The following SLC16A14 variants were observed in gnomAD, a reference collection of about 807,000 sequenced individuals.
The protein encoded by SLC16A14 is monocarboxylate transporter 14.
SLC16A14 carries 14 observed loss-of-function variants against 35.8 expected under a neutral mutation model. The ratio of observed to expected loss-of-function variants is 0.39; its 90% CI spans 0.26 to 0.61. SLC16A14 has a LOEUF of 0.61. Among genes scored for constraint, SLC16A14 ranks in the 20% least tolerant of loss-of-function variants. SLC16A14 has a pLI of 0.51. For missense variants in SLC16A14, 533 were observed against 655.0 expected, an observed-to-expected ratio of 0.81 and a Z score of 2.03; for synonymous variants, 248 against 258.9, an observed-to-expected ratio of 0.96 and a Z score of 0.40.
intron 1 of SLC16A14, among the ~76,000 whole-genome samples, chr2:230,063,740 G>C (rs867736219): frequency 1.3e-5 from 2 of 152,332 alleles, no homozygotes; most frequent in South Asian, 4.1e-4. Flanking sequence ...TGTTGATGGA[G>C]ATTATTCTTT....
At chr2:230,054,307 AG>A (rs1347494645) in intron 2 of SLC16A14, among the ~76,000 whole-genome samples, 1 of 152,344 alleles carries the variant, frequency 6.6e-6, no homozygotes, top group South Asian at 2.1e-4. Context: ...CTCTGCCAAA[AG>A]AAAAAAATTA....
At chr2:230,053,985 T>A (rs1394789224) in intron 2 of SLC16A14, among the ~76,000 whole-genome samples, 1 of 151,890 alleles carries the variant, frequency 6.6e-6, no homozygotes, top group Non-Finnish European at 1.5e-5. Flanking sequence ...GTTAGGAGCC[T>A]CTAAATCAAT....
intron 2 of SLC16A14, among the ~76,000 whole-genome samples, chr2:230,051,719 G>T (rs2077661227): frequency 6.6e-6 from 1 of 152,022 alleles, no homozygotes; most frequent in Non-Finnish European, 1.5e-5. Flanking sequence ...TTCCCTTTTG[G>T]CTTAAACTGA....
chr2:230,045,109 A>G (rs1395367879), intron 4 of SLC16A14, among the ~76,000 whole-genome samples: 2 of 152,226 alleles, frequency 1.3e-5, no homozygotes, highest in Non-Finnish European at 2.9e-5. Flanking sequence ...GACAAAAATC[A>G]GCTGGAACTG....
rs2077525635 is a variant in SLC16A14, at chr2:230,037,234, A to T, written c.*146T>A. On this transcript the variant is annotated 3_prime_UTR_variant, in exon 5 of 5. Transcript: ENST00000295190. Reference sequence around the variant, plus strand: ...AACAGAGAGGCAGTGCTGCTTACAAATGAGGCTGTGACAATGGCATTTACA... The same window carrying T: ...AACAGAGAGGCAGTGCTGCTTACAATTGAGGCTGTGACAATGGCATTTACA... The T allele has an allele frequency of 1.6e-6, 1 of 624,298 alleles. No homozygotes were observed. The highest frequency in any genetic ancestry group is 1.9e-5 in the African/African-American group (1 of 53,172). The allele number at this position is 624,298 out of a possible 1,614,324, so 38.7% of individuals were successfully genotyped here. A position where few individuals can be genotyped will look rare whatever the true frequency, so the allele number is the denominator to read the frequency against.
chr2:230,057,228 C>G (rs2077712694), intron 2 of SLC16A14, among the ~76,000 whole-genome samples: 1 of 151,980 alleles, frequency 6.6e-6, no homozygotes, highest in African/African-American at 2.4e-5. Context: ...AAGGGAAAGC[C>G]CCTAGTATAT....
intron 1 of SLC16A14, among the ~76,000 whole-genome samples, chr2:230,064,874 G>A (rs1487829027): frequency 6.6e-6 from 1 of 152,092 alleles, no homozygotes; most frequent in Non-Finnish European, 1.5e-5. Flanking sequence ...GCCGGGTGTG[G>A]TGGCGCATGC....
At chr2:230,054,881 C>T (rs1378695647) in intron 2 of SLC16A14, among the ~76,000 whole-genome samples, 2 of 141,698 alleles carry the variant, frequency 1.4e-5, no homozygotes, top group South Asian at 2.2e-4. Flanking sequence ...GGCGACAGAG[C>T]GAGACTCCAT....
chr2:230,065,544 C>G (rs1437829460), intron 1 of SLC16A14, among the ~76,000 whole-genome samples: 2 of 152,206 alleles, frequency 1.3e-5, no homozygotes, highest in Admixed American at 6.5e-5. Context: ...CGTGAGCCAG[C>G]ATGCCTGGCC....
chr2:230,051,195 G>A (rs932867938), intron 2 of SLC16A14, among the ~76,000 whole-genome samples: 7 of 152,084 alleles, frequency 4.6e-5, no homozygotes, highest in African/African-American at 1.2e-4. Flanking sequence ...GGGTCTCACT[G>A]TGTCATCCAA....
At chr2:230,066,323 G>A (rs1348310135) in intron 1 of SLC16A14, among the ~76,000 whole-genome samples, 1 of 151,840 alleles carries the variant, frequency 6.6e-6, no homozygotes, top group Admixed American at 6.6e-5. Flanking sequence ...AAAGTAAAAG[G>A]TAACCCACTC....
intron 1 of SLC16A14, among the ~76,000 whole-genome samples, chr2:230,060,418 A>T (rs2077742227): frequency 6.6e-6 from 1 of 152,116 alleles, no homozygotes; most frequent in South Asian, 2.1e-4. Flanking sequence ...ATCATAGCTC[A>T]CTGCAGTCTT....
chr2:230,060,745 C>T (rs762774597), intron 1 of SLC16A14, among the ~76,000 whole-genome samples: 1 of 150,892 alleles, frequency 6.6e-6, no homozygotes, highest in African/African-American at 2.4e-5. Context: ...GAGCAGGAGT[C>T]GGGGGTGGAG....
intron 1 of SLC16A14, among the ~76,000 whole-genome samples, chr2:230,066,032 C>T (rs1413897440): frequency 6.6e-6 from 1 of 151,938 alleles, no homozygotes; most frequent in African/African-American, 2.4e-5. Context: ...TGGCAGAACA[C>T]GGTGGCTCAT....
At chr2:230,056,010 G>A (rs1183669340) in intron 2 of SLC16A14, among the ~76,000 whole-genome samples, 1 of 152,172 alleles carries the variant, frequency 6.6e-6, no homozygotes, top group Non-Finnish European at 1.5e-5. Context: ...ATGACAAACA[G>A]TCCTAGTTTA....
chr2:230,056,821 G>T (rs561535099), intron 2 of SLC16A14, among the ~76,000 whole-genome samples: 1 of 145,628 alleles, frequency 6.9e-6, no homozygotes, highest in Non-Finnish European at 1.5e-5. Context: ...AGTGAGTTAC[G>T]ATTGTGCTAC....
chr2:230,055,578 CAATT>C (rs1328053945), intron 2 of SLC16A14, among the ~76,000 whole-genome samples: 1 of 152,144 alleles, frequency 6.6e-6, no homozygotes, highest in Non-Finnish European at 1.5e-5. Context: ...AGTTACCTGT[CAATT>C]AAATTAAGTA....
chr2:230,045,427 G>A (rs2077596329), intron 4 of SLC16A14, among the ~76,000 whole-genome samples: 1 of 152,166 alleles, frequency 6.6e-6, no homozygotes, highest in South Asian at 2.1e-4. Flanking sequence ...GGGCGTGGTG[G>A]TGCACACCTG....
chr2:230,039,127 T>G (rs190744661), intron 4 of SLC16A14, among the ~76,000 whole-genome samples: 1 of 151,528 alleles, frequency 6.6e-6, no homozygotes, highest in Non-Finnish European at 1.5e-5. Context: ...GTTTATTGTA[T>G]CTAGTGTGTG....
Sources: allele counts gnomAD v4.1 joint callset (sites outside exome capture counted in the v4.1 genomes callset), GRCh38; gene constraint gnomAD v4.1.1; transcripts MANE v1.5; gene names NCBI Gene and HGNC (gene_info 2026-07-23, HGNC 2026-07-21).